Variants in PIAS1 observed in about 807,000 individuals in gnomAD.
PIAS1 encodes E3 SUMO-protein ligase PIAS1.
A neutral mutation model predicts 71.3 loss-of-function variants in PIAS1; 6 were observed. That is an observed-to-expected ratio of 0.08 (90% CI 0.05 to 0.17). The LOEUF is 0.17. Among genes scored for constraint, PIAS1 ranks in the 10% least tolerant of loss-of-function variants. The pLI, the probability that PIAS1 is intolerant of heterozygous loss-of-function variation, is 1.00. For missense variants in PIAS1, 555 were observed against 793.6 expected (o/e 0.70, Z 3.61); for synonymous variants, 303 against 292.9 (o/e 1.03, Z -0.35).
chr15:68,091,845 G>A lies in PIAS1; in HGVS notation c.469+5095G>A, dbSNP rs375257156. Reference sequence around the variant, plus strand: ...GTAATTTATTGAATATCGTACTGAAGTGAAAAACAGAATGGTTTTGTTACC... The same window carrying A: ...GTAATTTATTGAATATCGTACTGAAATGAAAAACAGAATGGTTTTGTTACC... On this transcript the variant is annotated intron_variant, in intron 2 of 13. Transcript: ENST00000249636. 2.8e-4 allele frequency among the ~76,000 whole-genome samples: 42 copies of A among 152,312 alleles called. No homozygotes were observed. The South Asian group carries it at 7.9e-3, about 29-fold the overall frequency.
intron 1 of PIAS1, among the ~76,000 whole-genome samples, chr15:68,083,925 C>G (rs2092254099): frequency 6.6e-6 from 1 of 152,052 alleles, no homozygotes; most frequent in African/African-American, 2.4e-5. Flanking sequence ...ATTTGAGTAC[C>G]TACTATGTAC....
chr15:68,054,476 G>T lies in PIAS1; in HGVS notation c.24+126G>T. On this transcript the variant is annotated intron_variant, in intron 1 of 13. Coordinates refer to ENST00000249636, the MANE Select transcript of PIAS1 (RefSeq NM_016166.3). This position sits in a 1 kb window ranked among gnomAD's most constrained non-coding sequence, Gnocchi z 4.6. ...ACTCCACCCGGGCCTGGAGTTGTAG[G>T]GAGAGAGGCGCGCCCGGTCTCAGCA... 1 of 1,004,444 alleles carries T rather than the reference G, an allele frequency of 1.0e-6. No individual in the cohort carries two copies. The highest frequency in any genetic ancestry group is 1.5e-6 in the Non-Finnish European group (1 of 679,530). 62.2% of individuals were successfully genotyped at this position (1,004,444 alleles called of 1,614,324 possible). A position where few individuals can be genotyped will look rare whatever the true frequency, so the allele number is the denominator to read the frequency against.
chr15:68,172,864 C>T (rs2093000121), intron 8 of PIAS1, among the ~76,000 whole-genome samples: 1 of 152,202 alleles, frequency 6.6e-6, no homozygotes, highest in South Asian at 2.1e-4. Flanking sequence ...GCAATATTTG[C>T]AGGGCAAGAA....
chr15:68,183,594 T>G (rs1177580560), intron 12 of PIAS1, 36 bp from the exon 13 acceptor site: 6 of 908,422 alleles, frequency 6.6e-6, no homozygotes, highest in Non-Finnish European at 6.9e-6. Context: ...TTTTCCTTCT[T>G]TTTTTTTTAA....
intron 11 of PIAS1, among the ~76,000 whole-genome samples, 164 bp downstream of exon 11, chr15:68,176,818 G>T (rs917467769): frequency 3.3e-5 from 5 of 152,104 alleles, no homozygotes; most frequent in African/African-American, 1.2e-4. Context: ...GGAGGGATTG[G>T]GGTAATGCAC....
chr15:68,074,368 T>C lies in PIAS1; in HGVS notation c.25-11938T>C, dbSNP rs144920317. On this transcript the variant is annotated intron_variant, in intron 1 of 13. Transcript: ENST00000249636. ...TTTATTTTTAGACAGGGTCATGCTC[T>C]TCCGCCCAGGCTGGAGGCTTGATCT... Among the ~76,000 whole-genome samples the C allele has an allele frequency of 2.6e-4, 40 of 152,340 alleles. 1 individual carries two copies. In the East Asian group the frequency reaches 3.3e-3, roughly 12 times the overall value.
chr15:68,117,848 A>G (rs1318538432), intron 2 of PIAS1, among the ~76,000 whole-genome samples: 2 of 152,120 alleles, frequency 1.3e-5, no homozygotes, highest in Non-Finnish European at 2.9e-5. Context: ...TGCTGATTTC[A>G]TTTCCTTTGG....
At chr15:68,106,351 CAAAAAAA>C (rs11313083) in intron 2 of PIAS1, among the ~76,000 whole-genome samples, 19 of 92,858 alleles carry the variant, frequency 2.0e-4, no homozygotes, top group African/African-American at 4.7e-4. Flanking sequence ...ATGACCTTTG[CAAAAAAA>C]AAAAAAAAAA....
intron 4 of PIAS1, 39 bp from the exon 5 acceptor site, chr15:68,145,777 C>G (rs777130897): frequency 8.6e-7 from 1 of 1,159,780 alleles, no homozygotes; most frequent in Non-Finnish European, 1.3e-6. Flanking sequence ...TGAAGTCATC[C>G]TTTAATAAAG....
At chr15:68,088,868 C>T (rs1010378748) in intron 2 of PIAS1, among the ~76,000 whole-genome samples, 26 of 152,140 alleles carry the variant, frequency 1.7e-4, no homozygotes, top group African/African-American at 5.1e-4. Context: ...TTATTTTTGC[C>T]GGTAGTTCAT....
At chr15:68,065,021 G>A (rs1167567379) in intron 1 of PIAS1, among the ~76,000 whole-genome samples, 1 of 152,116 alleles carries the variant, frequency 6.6e-6, no homozygotes, top group East Asian at 1.9e-4. Flanking sequence ...TAGGATTACG[G>A]CGTGAGACAC....
At chr15:68,140,316 A>G (rs1034225333) in intron 2 of PIAS1, among the ~76,000 whole-genome samples, 2 of 152,194 alleles carry the variant, frequency 1.3e-5, no homozygotes, top group African/African-American at 4.8e-5. Flanking sequence ...GCACTTTTTA[A>G]AAATAGAGCC....
chr15:68,121,486 ATAGGGT>A (rs1440270580), intron 2 of PIAS1, among the ~76,000 whole-genome samples: 1 of 151,678 alleles, frequency 6.6e-6, no homozygotes, highest in Non-Finnish European at 1.5e-5. Flanking sequence ...TTTTTTGTGC[ATAGGGT>A]TTATTGATTG....
At chr15:68,078,155 T>A (rs2092190767) in intron 1 of PIAS1, among the ~76,000 whole-genome samples, 1 of 152,240 alleles carries the variant, frequency 6.6e-6, no homozygotes, top group African/African-American at 2.4e-5. Context: ...CTACTTAGTA[T>A]TTTTAAATTC....
chr15:68,127,097 TG>T (rs1176666678), intron 2 of PIAS1, among the ~76,000 whole-genome samples: 13 of 152,072 alleles, frequency 8.5e-5, no homozygotes, highest in African/African-American at 2.4e-4. Context: ...GGCTAATTTT[TG>T]TATGTTTAGT....
chr15:68,122,083 C>T (rs1459655059), intron 2 of PIAS1, among the ~76,000 whole-genome samples: 3 of 152,084 alleles, frequency 2.0e-5, no homozygotes, highest in South Asian at 2.1e-4. Flanking sequence ...GAGCCAAGAT[C>T]GAGCCACTGC....
At position 68,187,689 on chromosome 15, in the gene PIAS1, A is replaced by G. The variant is rs909498968; in HGVS notation, c.1810A>G (p.Thr604Ala). The G allele has an allele frequency of 1.2e-6, 2 of 1,613,846 alleles. No individual in the cohort carries two copies. Among genetic ancestry groups the G allele is most frequent in the Admixed American group, 3.3e-5 (2 of 60,004 alleles). ...AGGAGGCAGTACTTCTCTGCCAACC[A>G]CCAATGGAAGCAGTAGTGGCAGTAA... ...SAGGSTSLPTTNGSSSGSNSS... is the reference protein window; with the variant it reads ...SAGGSTSLPTANGSSSGSNSS... The change falls in exon 14 of 14, where the codon ACC becomes GCC. Residue 604 changes from threonine to alanine, a missense_variant. Thr to Ala is a moderately conservative substitution (Grantham distance 58). Coordinates refer to ENST00000249636, the MANE Select transcript of PIAS1 (RefSeq NM_016166.3). This position sits in a 1 kb window ranked among gnomAD's most constrained non-coding sequence, Gnocchi z 5.3.
chr15:68,087,277 C>T (rs1292249719), intron 2 of PIAS1, among the ~76,000 whole-genome samples: 1 of 152,042 alleles, frequency 6.6e-6, no homozygotes. Flanking sequence ...CATGCACACT[C>T]ATGATTACGG....
intron 1 of PIAS1, among the ~76,000 whole-genome samples, chr15:68,064,253 A>G (rs1362263590): frequency 2.0e-5 from 3 of 152,214 alleles, no homozygotes; most frequent in Non-Finnish European, 4.4e-5. Context: ...ATTTGTTACT[A>G]ATGATAAAAT....
Sources: allele counts gnomAD v4.1 joint callset (sites outside exome capture counted in the v4.1 genomes callset), GRCh38; gene constraint gnomAD v4.1.1; non-coding constraint Gnocchi (gnomAD v3.1); transcripts MANE v1.5; gene names NCBI Gene and HGNC (gene_info 2026-07-23, HGNC 2026-07-21).